Variants in NLRP11 observed in about 807,000 individuals in gnomAD.
NLRP11 encodes the protein NLR family pyrin domain containing 11.
A neutral mutation model predicts 79.3 loss-of-function variants in NLRP11; 53 were observed. That is an observed-to-expected ratio of 0.67 (90% confidence interval 0.54 to 0.84). The LOEUF is 0.84. NLRP11 is among the 40% of genes least tolerant of loss of function. The pLI is 0.00. For synonymous variants in NLRP11, 518 were observed against 462.6 expected (o/e 1.12, Z -1.54); for missense variants, 1,264 against 1,255.0 (o/e 1.01, Z -0.11).
At chr19:55,813,715 A>C (rs1980822937) in intron 2 of NLRP11, among the ~76,000 whole-genome samples, 1 of 152,176 alleles carries the variant, frequency 6.6e-6, no homozygotes, top group Non-Finnish European at 1.5e-5. Context: ...AGAAGCAGGA[A>C]GGATTTCTAT....
exon 10 of NLRP11, chr19:55,785,530 C>T (rs1450710889): frequency 1.7e-5 from 19 of 1,120,130 alleles, no homozygotes; most frequent in Non-Finnish European, 2.2e-5. Flanking sequence ...CACACACACA[C>T]ACACACACAT....
At chr19:55,816,695 C>T (rs555245168) in intron 2 of NLRP11, among the ~76,000 whole-genome samples, 284 of 152,300 alleles carry the variant, frequency 1.9e-3, no homozygotes, top group African/African-American at 6.4e-3. Flanking sequence ...GATCTTTACA[C>T]AGAGCCCCTA....
intron 4 of NLRP11, among the ~76,000 whole-genome samples, chr19:55,805,931 T>C (rs537443917): frequency 1.3e-5 from 2 of 152,350 alleles, no homozygotes; most frequent in Admixed American, 6.5e-5. Context: ...CAATGACTTC[T>C]ACCTTGCTAA....
intron 4 of NLRP11, among the ~76,000 whole-genome samples, chr19:55,803,096 C>T (rs1317991635): frequency 6.6e-6 from 1 of 152,118 alleles, no homozygotes; most frequent in Non-Finnish European, 1.5e-5. Context: ...TGCCTGTAAT[C>T]CCAGCACTTT....
At chr19:55,812,207 C>T (rs932308166) in intron 2 of NLRP11, among the ~76,000 whole-genome samples, 2 of 152,118 alleles carry the variant, frequency 1.3e-5, no homozygotes, top group African/African-American at 4.8e-5. Flanking sequence ...TCATATTATG[C>T]ATATATCCCC....
At chr19:55,802,037 G>A (rs567376374) in intron 4 of NLRP11, among the ~76,000 whole-genome samples, 1 of 152,186 alleles carries the variant, frequency 6.6e-6, no homozygotes, top group South Asian at 2.1e-4. Context: ...AAGATATTAA[G>A]ATACATCCAC....
At chr19:55,801,604 C>T (rs756701055) in exon 5 of NLRP11, 2 of 1,614,090 alleles carry the variant, frequency 1.2e-6, no homozygotes, top group Non-Finnish European at 1.7e-6. Context: ...TGGGCTCGTG[C>T]AGGATGTCAT....
At position 55,789,514 on chromosome 19, in the gene NLRP11, T is replaced by G. The variant is rs1205375160; in HGVS notation, c.2514-115A>C. On this transcript the variant is annotated intron_variant, in intron 7 of 9. Transcript: ENST00000589093. ...TGACATTCATGAATAAGGGACTGCT[T>G]ACAGAAACAAGAGCAGTGTTAACAT... 4 of 921,702 alleles carry G rather than the reference T, an allele frequency of 4.3e-6. No individual in the cohort carries two copies. In the East Asian group the frequency reaches 9.8e-5, roughly 23 times the overall value. The allele number at this position is 921,702 out of a possible 1,614,324, so 57.1% of individuals were successfully genotyped here. A position where few individuals can be genotyped will look rare whatever the true frequency, so the allele number is the denominator to read the frequency against.
chr19:55,814,403 C>T (rs1168255211), intron 2 of NLRP11, among the ~76,000 whole-genome samples: 4 of 152,004 alleles, frequency 2.6e-5, no homozygotes, highest in Admixed American at 2.6e-4. Context: ...ATCCCCAAAC[C>T]ATCCATCTCC....
rs752142644 is a variant in NLRP11, at chr19:55,809,054, T to C, written c.1556A>G (p.Asp519Gly). The change falls in exon 3 of 10, where the codon GAC becomes GGC. Residue 519 changes from aspartate (D) to glycine (G), a missense_variant. Coordinates refer to ENST00000589093, the Ensembl canonical transcript of NLRP11. This position sits in a 1 kb window ranked among gnomAD's most constrained non-coding sequence, Gnocchi z 4.5. ...TCCCACCGAGTACCACTTGAAGCTG[T>C]CTACCATCGGTAGCTGGTATCCAAA... 2.5e-6 allele frequency: 4 copies of C among 1,613,954 alleles called. No homozygotes were observed. The South Asian group carries it at 4.4e-5, about 18-fold the overall frequency.
intron 7 of NLRP11, among the ~76,000 whole-genome samples, chr19:55,792,060 G>A (rs559238940): frequency 6.6e-6 from 1 of 152,238 alleles, no homozygotes; most frequent in Admixed American, 6.5e-5. Flanking sequence ...GTCCGGCCCA[G>A]GCACCCTTCT....
intron 7 of NLRP11, among the ~76,000 whole-genome samples, chr19:55,789,706 T>G (rs1990122563): frequency 6.6e-6 from 1 of 152,220 alleles, no homozygotes; most frequent in Non-Finnish European, 1.5e-5. Context: ...CCTACACCGT[T>G]GCAATACTGA....
chr19:55,830,906 A>G (rs1419180859), intron 1 of NLRP11, among the ~76,000 whole-genome samples: 1 of 152,116 alleles, frequency 6.6e-6, no homozygotes, highest in African/African-American at 2.4e-5. Context: ...AGACTTTCTC[A>G]AGCACTGAGA....
intron 5 of NLRP11, among the ~76,000 whole-genome samples, chr19:55,800,779 T>C (rs10419435): frequency 0.18 from 26,899 of 152,192 alleles, 3,676 homozygotes; most frequent in African/African-American, 0.36. Context: ...TGTGAAATAC[T>C]GGGTTCTGCA....
intron 4 of NLRP11, among the ~76,000 whole-genome samples, chr19:55,804,044 T>C (rs1225161293): frequency 6.6e-6 from 1 of 152,226 alleles, no homozygotes; most frequent in Non-Finnish European, 1.5e-5. Context: ...ATTGTGCCAC[T>C]GCACCCTAGC....
Position 55,821,233 on chromosome 19 carries a change from ACACACACACACACACAC to A in NLRP11, c.-62-3014_-62-2998del, listed in dbSNP as rs747711370. Among the ~76,000 whole-genome samples, 644 of 117,688 alleles carry A rather than the reference ACACACACACACACACAC, an allele frequency of 5.5e-3. 9 individuals are homozygous for A. Among genetic ancestry groups the A allele is most frequent in the African/African-American group, 0.024 (576 of 24,094 alleles). 77.2% of individuals were successfully genotyped at this position (117,688 alleles called of 152,430 possible). Reference sequence around the variant, plus strand: ...CACACACACACACACACACACACACACACACACACACACACACCCCAAGCACTGAGTTTGTAATGATC... The same window carrying A: ...CACACACACACACACACACACACACACCCAAGCACTGAGTTTGTAATGATC... On this transcript the variant is annotated intron_variant, in intron 1 of 9. Transcript: ENST00000589093.
At chr19:55,817,034 A>G (rs1981183547) in intron 2 of NLRP11, among the ~76,000 whole-genome samples, 1 of 152,190 alleles carries the variant, frequency 6.6e-6, no homozygotes, top group Admixed American at 6.5e-5. Context: ...AAGAAGATAC[A>G]CAAATGGCCA....
intron 4 of NLRP11, among the ~76,000 whole-genome samples, chr19:55,802,228 T>C (rs1272189265): frequency 6.6e-6 from 1 of 152,130 alleles, no homozygotes; most frequent in Non-Finnish European, 1.5e-5. Flanking sequence ...AGTCAAACTA[T>C]CACTGTTTGC....
At chr19:55,830,253 C>G (rs1982620590) in intron 1 of NLRP11, among the ~76,000 whole-genome samples, 1 of 152,158 alleles carries the variant, frequency 6.6e-6, no homozygotes, top group Non-Finnish European at 1.5e-5. Context: ...AATTCCCAAA[C>G]TCTTCCCTCC....
Sources: gnomAD v4.1 joint callset for allele counts (sites outside exome capture counted in the v4.1 genomes callset) on GRCh38, gnomAD v4.1.1 for gene constraint, Gnocchi (gnomAD v3.1) non-coding constraint, MANE v1.5 for transcripts, NCBI Gene and HGNC (gene_info 2026-07-23, HGNC 2026-07-21) for gene names.